Variants in UBR3 observed in about 807,000 individuals in gnomAD.
UBR3 encodes the protein ubiquitin protein ligase E3 component n-recognin 3.
A neutral mutation model predicts 243.2 loss-of-function variants in UBR3; 85 were observed. The ratio of observed to expected loss-of-function variants is 0.35; its 90% CI spans 0.29 to 0.42. The LOEUF is 0.42. UBR3 is among the 10% of genes least tolerant of loss of function. The pLI is 1.00. For missense variants in UBR3, 1,686 were observed against 2,300.8 expected (o/e 0.73, Z 5.47); for synonymous variants, 748 against 799.8 (o/e 0.94, Z 1.09).
rs1356906893 is a variant in UBR3 at position 169,994,330 on chromosome 2, G to T, written c.3792G>T (p.Gly1264=). The T allele has an allele frequency of 5.6e-6, 9 of 1,613,910 alleles. No individual in the cohort carries two copies. The highest frequency in any genetic ancestry group is 6.8e-6 in the Non-Finnish European group (8 of 1,180,008). The change falls in exon 26 of 39, where the codon GGG becomes GGT. Residue 1264 remains glycine, a synonymous_variant. Coordinates refer to ENST00000272793, the MANE Select transcript of UBR3 (RefSeq NM_172070.4). ...VVLLQASSVL[G]QCRDNVEPKK... ...TTTTATCTGTTAATGTAGTTTTGGG[G>T]CAGTGCCGTGACAATGTTGAGCCAA...
intron 32 of UBR3, among the ~76,000 whole-genome samples, chr2:170,054,902 G>C (rs2091299734): frequency 6.6e-6 from 1 of 152,220 alleles, no homozygotes; most frequent in African/African-American, 2.4e-5. Flanking sequence ...TCTTCTGAAA[G>C]AGAGCACCCT....
intron 23 of UBR3, among the ~76,000 whole-genome samples, 188 bp from the exon 24 acceptor site, chr2:169,958,250 A>G (rs1559133635): frequency 6.6e-6 from 1 of 152,220 alleles, no homozygotes; most frequent in Non-Finnish European, 1.5e-5. Context: ...GTGAGTTTGT[A>G]ACCTTTTAAA....
chr2:170,004,194 C>T (rs1379720271), intron 27 of UBR3, among the ~76,000 whole-genome samples: 1 of 152,090 alleles, frequency 6.6e-6, no homozygotes, highest in African/African-American at 2.4e-5. Context: ...GGGGCTTGGA[C>T]TTACTCATGT....
At chr2:169,866,150 C>CAAAAAAAAAAAAA (rs578054467) in intron 1 of UBR3, among the ~76,000 whole-genome samples, 1 of 53,380 alleles carries the variant, frequency 1.9e-5, no homozygotes, top group African/African-American at 1.1e-4. Flanking sequence ...GACTGTGTCT[C>CAAAAAAAAAAAAA]AAAAAAAAAA....
At chr2:169,903,743 G>A (rs567860897) in intron 8 of UBR3, among the ~76,000 whole-genome samples, 15 of 152,182 alleles carry the variant, frequency 9.9e-5, no homozygotes, top group Admixed American at 8.5e-4. Context: ...AATATGAGCC[G>A]GGTGTGGTGG....
chr2:169,838,387 TTGTGTGTG>T (rs544974959), intron 1 of UBR3, among the ~76,000 whole-genome samples: 9,104 of 113,784 alleles, frequency 0.08, 298 homozygotes, highest in Admixed American at 0.12. Context: ...ATTAAGGCAT[TTGTGTGTG>T]TGTGTGTGTG....
intron 32 of UBR3, among the ~76,000 whole-genome samples, chr2:170,053,278 G>C (rs2091262491): frequency 6.6e-6 from 1 of 152,128 alleles, no homozygotes; most frequent in South Asian, 2.1e-4. Context: ...CTTTCCTCTT[G>C]AGAGTCTGGA....
intron 1 of UBR3, among the ~76,000 whole-genome samples, chr2:169,829,425 T>G (rs11891382): frequency 0.12 from 16,589 of 136,488 alleles, 1,144 homozygotes; most frequent in Admixed American, 0.2. Context: ...CATTTGAGTT[T>G]TTTTTTTTTT....
chr2:169,851,632 G>GC (rs2082660097), intron 1 of UBR3, among the ~76,000 whole-genome samples: 3 of 152,044 alleles, frequency 2.0e-5, no homozygotes, highest in African/African-American at 7.2e-5. Flanking sequence ...TTGGGAGGCT[G>GC]AGGGGAGCGG....
At chr2:169,924,488 C>T (rs2085828998) in intron 13 of UBR3, among the ~76,000 whole-genome samples, 1 of 152,122 alleles carries the variant, frequency 6.6e-6, no homozygotes, top group Non-Finnish European at 1.5e-5. Context: ...GTTTTATTTT[C>T]CGCAAGGTTT....
Position 169,836,636 on chromosome 2 carries a change from TAAA to T in UBR3, c.545+8595_545+8597del, listed in dbSNP as rs57218732. Among the ~76,000 whole-genome samples the T allele has an allele frequency of 2.1e-5, 3 of 141,970 alleles. No individual in the cohort carries two copies. In the Admixed American group the frequency reaches 2.1e-4, roughly 10 times the overall value. 93.1% of individuals were successfully genotyped at this position (141,970 alleles called of 152,430 possible). ...CATCCTGCACATGTAATTCAGAACT[TAAA>T]AAAAAAAAAACCAAAAGACACTTGG... On this transcript the variant is annotated intron_variant, in intron 1 of 38. Coordinates refer to ENST00000272793, the MANE Select transcript of UBR3 (RefSeq NM_172070.4).
intron 35 of UBR3, among the ~76,000 whole-genome samples, chr2:170,071,881 C>A (rs941986059): frequency 3.3e-5 from 5 of 152,118 alleles, no homozygotes; most frequent in Non-Finnish European, 7.4e-5. Context: ...ATGGAGAAGG[C>A]AAATTTGATT....
chr2:169,847,079 CTGTGTGTGTGTGTGTGTGTG>C (rs769261518), intron 1 of UBR3, among the ~76,000 whole-genome samples: 1 of 123,708 alleles, frequency 8.1e-6, no homozygotes, highest in African/African-American at 3.1e-5. Flanking sequence ...TTTTCTTAAA[CTGTGTGTGTGTGTGTGTGTG>C]TGTGTGTGTG....
rs2083552330 is a variant in UBR3, at chr2:169,874,948, C to A, written c.686-843C>A. 2.0e-5 allele frequency among the ~76,000 whole-genome samples: 3 copies of A among 152,024 alleles called. No individual in the cohort carries two copies. The South Asian group carries it at 6.2e-4, about 32-fold the overall frequency. ...CTTTTAGACCTCGGCTTCTGTAAAA[C>A]CTCTCTATATTTTTCGTCTTTAATA... On this transcript the variant is annotated intron_variant, in intron 2 of 38. Transcript: ENST00000272793.
At chr2:170,081,002 C>T (rs2091895610) in intron 38 of UBR3, among the ~76,000 whole-genome samples, 1 of 151,708 alleles carries the variant, frequency 6.6e-6, no homozygotes, top group Admixed American at 6.6e-5. Flanking sequence ...CCAGCCTGGA[C>T]AACATAGTGA....
chr2:169,892,081 G>A (rs73972644), intron 6 of UBR3, among the ~76,000 whole-genome samples: 8,261 of 152,230 alleles, frequency 0.054, 406 homozygotes, highest in African/African-American at 0.13. Context: ...GCCTAGAAAG[G>A]TGGAATATGC....
At chr2:169,963,184 A>G (rs1040641477) in intron 24 of UBR3, among the ~76,000 whole-genome samples, 1 of 152,134 alleles carries the variant, frequency 6.6e-6, no homozygotes. Flanking sequence ...GAGTTGGGGA[A>G]GGAATTGGGG....
At chr2:169,886,660 G>C (rs1327682378) in intron 5 of UBR3, among the ~76,000 whole-genome samples, 1 of 151,994 alleles carries the variant, frequency 6.6e-6, no homozygotes, top group South Asian at 2.1e-4. Context: ...TAAGCATACC[G>C]TGTCTTCATT....
chr2:169,915,262 C>G (rs1317854251), intron 11 of UBR3, among the ~76,000 whole-genome samples: 2 of 151,058 alleles, frequency 1.3e-5, no homozygotes, highest in Non-Finnish European at 2.9e-5. Flanking sequence ...GAGACAGAGT[C>G]TCACTCTGTT....
Sources: gnomAD v4.1 joint callset for allele counts (sites outside exome capture counted in the v4.1 genomes callset) on GRCh38, gnomAD v4.1.1 for gene constraint, MANE v1.5 for transcripts, NCBI Gene and HGNC (gene_info 2026-07-23, HGNC 2026-07-21) for gene names.